ARID2: variants seen among roughly 807,000 people sequenced by gnomAD.
ARID2 encodes AT-rich interactive domain-containing protein 2.
Under a neutral mutation model 184.6 loss-of-function variants are expected in ARID2, and 32 were observed. The ratio of observed to expected loss-of-function variants is 0.17; its 90% CI spans 0.13 to 0.23. The LOEUF (loss-of-function observed/expected upper bound fraction) is 0.23. Among genes scored for constraint, ARID2 ranks in the 10% least tolerant of loss-of-function variants. The pLI is 1.00. For synonymous variants in ARID2, 836 were observed against 772.6 expected, an observed-to-expected ratio of 1.08 and a Z score of -1.36; for missense variants, 1,696 against 2,197.6, an observed-to-expected ratio of 0.77 and a Z score of 4.56.
intron 6 of ARID2, among the ~76,000 whole-genome samples, chr12:45,829,211 A>T (rs1023335745): frequency 1.3e-5 from 2 of 152,042 alleles, no homozygotes; most frequent in Non-Finnish European, 2.9e-5. Flanking sequence ...ATATGTATAG[A>T]TCTTTTTCTA....
chr12:45,794,292 A>G (rs1942347642), intron 3 of ARID2, among the ~76,000 whole-genome samples: 1 of 152,188 alleles, frequency 6.6e-6, no homozygotes, highest in Non-Finnish European at 1.5e-5. Flanking sequence ...TAGGGATGGA[A>G]TATTTGTTCT....
intron 3 of ARID2, among the ~76,000 whole-genome samples, chr12:45,807,298 A>G (rs1592088680): frequency 1.3e-5 from 2 of 152,190 alleles, no homozygotes; most frequent in Non-Finnish European, 2.9e-5. Flanking sequence ...GGTTTTGTTA[A>G]TATGGAAGTG....
chr12:45,891,905 T>A lies in ARID2; in HGVS notation c.5048T>A (p.Ile1683Asn). 6.2e-7 allele frequency: 1 copy of A among 1,614,200 alleles called. No homozygotes were observed. The highest frequency in any genetic ancestry group is 8.5e-7 in the Non-Finnish European group (1 of 1,180,014). Reference protein sequence around the residue: ...EPFQRQRFSFITHLQDKHCSK... With the variant: ...EPFQRQRFSFNTHLQDKHCSK... ...TTTCAGCGACAGCGGTTTTCTTTTA[T>A]TACCCACTTGCAGGTACACTTTTTA... is the stretch of plus-strand genomic sequence containing the variant. Residue 1683 changes from isoleucine to asparagine, a missense_variant, in exon 17 of 21, where the codon ATT becomes AAT. Physicochemically the swap from Ile to Asn is moderately radical, Grantham distance 149. Transcript: ENST00000334344.
intron 3 of ARID2, among the ~76,000 whole-genome samples, chr12:45,780,676 T>C (rs1942071795): frequency 6.6e-6 from 1 of 152,152 alleles, no homozygotes; most frequent in South Asian, 2.1e-4. Context: ...TGGGGTGCAA[T>C]GGCGTGATCT....
chr12:45,829,907 A>G (rs1943079927), intron 6 of ARID2, among the ~76,000 whole-genome samples: 1 of 148,042 alleles, frequency 6.8e-6, no homozygotes, highest in South Asian at 2.1e-4. Flanking sequence ...TGTGCCTAAT[A>G]TGCTGCTTGA....
At chr12:45,772,259 A>G (rs1369473637) in intron 3 of ARID2, among the ~76,000 whole-genome samples, 1 of 152,260 alleles carries the variant, frequency 6.6e-6, no homozygotes, top group African/African-American at 2.4e-5. Context: ...AGTTATATCA[A>G]TAATGACAAT....
chr12:45,808,279 G>C (rs1942638715), intron 3 of ARID2, among the ~76,000 whole-genome samples: 1 of 152,154 alleles, frequency 6.6e-6, no homozygotes. Flanking sequence ...GTTTTTAGAA[G>C]TATAACTGAA....
chr12:45,852,856 A>G lies in ARID2; in HGVS notation c.4733A>G (p.Gln1578Arg), dbSNP rs2138181932. Residue 1578 changes from glutamine (Q) to arginine (R), a missense_variant, in exon 15 of 21, where the codon CAA (glutamine) becomes CGA (arginine). Physicochemically the swap from Gln to Arg is conservative, Grantham distance 43 (BLOSUM62 1). This residue lies in a region of ARID2 where 111 missense variants were observed against 154.0 expected (regional missense o/e 0.72). Transcript: ENST00000334344. ...ATAGAAAGTGCTGTTCAGCAAAAGC[A>G]ACAGCATCCACCAACATATGTACAG... is the stretch of plus-strand genomic sequence containing the variant. ...VAIESAVQQK[Q>R]QHPPTYVQNV... 1 of 1,610,616 alleles carries G rather than the reference A, an allele frequency of 6.2e-7. No homozygotes were observed. The highest frequency in any genetic ancestry group is 8.5e-7 in the Non-Finnish European group (1 of 1,177,914).
At chr12:45,734,492 A>C (rs752344928) in intron 3 of ARID2, among the ~76,000 whole-genome samples, 2 of 152,004 alleles carry the variant, frequency 1.3e-5, no homozygotes, top group African/African-American at 4.8e-5. Flanking sequence ...TGTTCCACCA[A>C]TGTTTATTAT....
intron 3 of ARID2, among the ~76,000 whole-genome samples, chr12:45,761,957 C>T (rs1441994906): frequency 1.3e-5 from 2 of 152,018 alleles, no homozygotes; most frequent in Non-Finnish European, 2.9e-5. Flanking sequence ...TAAATCAACT[C>T]TGTTCATTTT....
intron 3 of ARID2, among the ~76,000 whole-genome samples, chr12:45,807,550 ACTATTGTGCTAG>A (rs914643175): frequency 6.6e-6 from 1 of 152,190 alleles, no homozygotes; most frequent in African/African-American, 2.4e-5. Context: ...ATTGATAGAT[ACTATTGTGCTAG>A]TCTTTATAGT....
chr12:45,862,742 A>G (rs1358900780), intron 16 of ARID2, among the ~76,000 whole-genome samples: 3 of 152,226 alleles, frequency 2.0e-5, no homozygotes, highest in Non-Finnish European at 4.4e-5. Context: ...GGTTACTTCA[A>G]GATAAGTTGC....
intron 4 of ARID2, among the ~76,000 whole-genome samples, chr12:45,815,697 C>T (rs1021586220): frequency 3.3e-5 from 5 of 151,974 alleles, no homozygotes; most frequent in African/African-American, 1.2e-4. Context: ...GGTCTCACTT[C>T]GTCGCTCAGG....
intron 11 of ARID2, among the ~76,000 whole-genome samples, chr12:45,844,098 T>G (rs1201440186): frequency 2.6e-5 from 4 of 152,092 alleles, no homozygotes; most frequent in Non-Finnish European, 5.9e-5. Flanking sequence ...AGGGGCGCCA[T>G]CAGAACCTGG....
At chr12:45,822,589 A>G (rs1942918583) in intron 6 of ARID2, among the ~76,000 whole-genome samples, 1 of 152,128 alleles carries the variant, frequency 6.6e-6, no homozygotes, top group Non-Finnish European at 1.5e-5. Context: ...AAATGATAGC[A>G]TGGTGTTTTA....
intron 4 of ARID2, among the ~76,000 whole-genome samples, chr12:45,812,310 G>A (rs6582574): frequency 0.62 from 93,170 of 151,490 alleles, 30,662 homozygotes; most frequent in African/African-American, 0.87. Context: ...TACTAGTTCT[G>A]TACTCTTACA....
intron 15 of ARID2, among the ~76,000 whole-genome samples, chr12:45,855,126 T>C (rs1943623619): frequency 1.3e-5 from 2 of 152,238 alleles, no homozygotes; most frequent in South Asian, 4.1e-4. Flanking sequence ...AAATGATCAT[T>C]TTAGGACATT....
At chr12:45,825,227 AAGAAG>A (rs1261137252) in intron 6 of ARID2, among the ~76,000 whole-genome samples, 8 of 152,172 alleles carry the variant, frequency 5.3e-5, no homozygotes, top group East Asian at 1.9e-4. Context: ...TCAAAATAGT[AAGAAG>A]AGAAGATTTG....
chr12:45,837,865 T>C (rs1368518632), intron 10 of ARID2, among the ~76,000 whole-genome samples, 158 bp downstream of exon 10: 6 of 152,260 alleles, frequency 3.9e-5, no homozygotes, highest in Non-Finnish European at 8.8e-5. Context: ...TTTATTATGC[T>C]TTAAATTCAG....
Sources: allele counts gnomAD v4.1 joint callset (sites outside exome capture counted in the v4.1 genomes callset), GRCh38; gene constraint gnomAD v4.1.1; regional missense constraint gnomAD v4.1.1; transcripts MANE v1.5; gene names NCBI Gene and HGNC (gene_info 2026-07-23, HGNC 2026-07-21).